The following CFTR variants were observed in gnomAD, a reference collection of about 807,000 sequenced individuals.
CFTR encodes the protein cystic fibrosis transmembrane conductance regulator.
In CFTR, 181 loss-of-function variants were observed where a neutral mutation model predicts 171.6. The ratio of observed to expected loss-of-function variants is 1.05; its 90% CI spans 0.93 to 1.19. CFTR has a LOEUF of 1.19. Among genes scored for constraint, CFTR ranks in the 50% most tolerant of loss-of-function variants. CFTR has a pLI of 0.00. For synonymous variants in CFTR, 583 were observed against 608.0 expected (o/e 0.96, Z 0.60); for missense variants, 1,968 against 1,734.7 (o/e 1.13, Z -2.39).
intron 3 of CFTR, among the ~76,000 whole-genome samples, chr7:117,525,385 A>G (rs1798758465): frequency 7.6e-6 from 1 of 131,064 alleles, no homozygotes; most frequent in Non-Finnish European, 1.6e-5. Flanking sequence ...AGTTCTGTAG[A>G]TGTCTATTAG....
At chr7:117,560,423 G>A (rs547359510) in intron 11 of CFTR, among the ~76,000 whole-genome samples, 5 of 152,048 alleles carry the variant, frequency 3.3e-5, no homozygotes, top group Non-Finnish European at 7.4e-5. Flanking sequence ...TCCAAATAGT[G>A]TTTGTGATTC....
intron 21 of CFTR, among the ~76,000 whole-genome samples, chr7:117,619,913 T>C (rs775372477): frequency 6.6e-6 from 1 of 151,292 alleles, no homozygotes; most frequent in Non-Finnish European, 1.5e-5. Flanking sequence ...TGTTTTGGGT[T>C]CCAGTAAAGA....
At chr7:117,559,895 G>A (rs1799432188) in intron 11 of CFTR, among the ~76,000 whole-genome samples, 1 of 151,968 alleles carries the variant, frequency 6.6e-6, no homozygotes, top group African/African-American at 2.4e-5. Context: ...CACAATAAAT[G>A]CATTTTATGA....
chr7:117,490,243 A>C lies in CFTR; in HGVS notation c.53+10096A>C, dbSNP rs373536993. 2.0e-5 allele frequency among the ~76,000 whole-genome samples: 3 copies of C among 151,602 alleles called. No homozygotes were observed. The East Asian group carries it at 5.8e-4, about 29-fold the overall frequency. On this transcript the variant is annotated intron_variant, in intron 1 of 26. Transcript: ENST00000003084. ...CTTTACATGGCACAGTATTATTATG[A>C]TATCAAAAATTCATTGAGTATTTAC...
intron 19 of CFTR, 45 bp downstream of exon 19, chr7:117,610,714 A>G (rs779049598): frequency 6.2e-7 from 1 of 1,603,926 alleles, no homozygotes; most frequent in Non-Finnish European, 8.5e-7. Context: ...AAAAGCTATA[A>G]GAGCTATTTG....
intron 24 of CFTR, among the ~76,000 whole-genome samples, chr7:117,662,017 C>T (rs546113245): frequency 7.2e-6 from 1 of 139,534 alleles, no homozygotes; most frequent in South Asian, 2.4e-4. Flanking sequence ...CCCTCAAATA[C>T]TGCTGATTGA....
intron 23 of CFTR, among the ~76,000 whole-genome samples, chr7:117,649,586 A>G (rs1793057816): frequency 6.6e-6 from 1 of 151,042 alleles, no homozygotes; most frequent in Non-Finnish European, 1.5e-5. Flanking sequence ...AGGAAGAAAA[A>G]CAACATGTGC....
In CFTR at chr7:117,535,033, A is replaced by T. The variant is rs549670828; in HGVS notation, c.580-215A>T. The stretch of plus-strand genomic sequence containing the variant: ...TATGCTTAAAAATGCACTGACTTGA[A>T]ATTTGTTTTTTGGGAAAACCGATTC... On this transcript the variant is annotated intron_variant, in intron 5 of 26. Coordinates refer to ENST00000003084, the MANE Select transcript of CFTR (RefSeq NM_000492.4). Among the ~76,000 whole-genome samples the T allele has an allele frequency of 2.6e-3, 401 of 152,294 alleles. 2 individuals are homozygous for T. Among genetic ancestry groups the T allele is most frequent in the African/African-American group, 9.1e-3 (380 of 41,552 alleles).
chr7:117,550,343 A>G (rs1562895686), intron 10 of CFTR, among the ~76,000 whole-genome samples: 2 of 150,560 alleles, frequency 1.3e-5, no homozygotes, highest in Non-Finnish European at 3.0e-5. Flanking sequence ...AAAAAAAAAA[A>G]TTGGTGTTTG....
rs551327299 is a variant in CFTR at position 117,639,168 on chromosome 7, A to T, written c.3718-3270A>T. Among the ~76,000 whole-genome samples the T allele has an allele frequency of 3.3e-4, 50 of 152,352 alleles. No homozygotes were observed. The South Asian group carries it at 3.9e-3, about 12-fold the overall frequency. On this transcript the variant is annotated intron_variant, in intron 22 of 26. Transcript: ENST00000003084. ...ACACTTTGTCCATAGCAATTACTTT[A>T]TGAAAAAGATGTGGTATTACTTTCT...
intron 22 of CFTR, among the ~76,000 whole-genome samples, chr7:117,639,850 A>T (rs998138494): frequency 1.3e-5 from 2 of 152,178 alleles, no homozygotes; most frequent in Non-Finnish European, 2.9e-5. Context: ...ATTCAATTAT[A>T]ATCACCTTGT....
chr7:117,636,271 C>T (rs1347756744), intron 22 of CFTR, among the ~76,000 whole-genome samples: 3 of 152,160 alleles, frequency 2.0e-5, no homozygotes, highest in Non-Finnish European at 4.4e-5. Flanking sequence ...GTTTTTTCCT[C>T]TGGCTTCTAT....
chr7:117,610,667 A>T lies in CFTR; in HGVS notation c.3137A>T (p.Glu1046Val). ...CAGCAACTCAAACAACTGGAATCTGAAGGTATGACAGTGAATGTGCGATAC... is the reference window on the plus strand; with the variant it reads ...CAGCAACTCAAACAACTGGAATCTGTAGGTATGACAGTGAATGTGCGATAC... The part of the protein sequence containing the change: ...TSQQLKQLES[E>V]GRSPIFTHLV... Residue 1046 changes from glutamate to valine, a missense_variant and splice_region_variant, in exon 19 of 27, where the codon GAA becomes GTA. Glu to Val is a moderately radical substitution (Grantham distance 121). Coordinates refer to ENST00000003084, the MANE Select transcript of CFTR (RefSeq NM_000492.4). 1.2e-6 allele frequency: 2 copies of T among 1,613,302 alleles called. No homozygotes were observed. Among genetic ancestry groups the T allele is most frequent in the Non-Finnish European group, 1.7e-6 (2 of 1,179,470 alleles).
chr7:117,506,900 T>C (rs1798427688), intron 2 of CFTR, among the ~76,000 whole-genome samples: 1 of 152,202 alleles, frequency 6.6e-6, no homozygotes, highest in Admixed American at 6.5e-5. Context: ...TGACATACCA[T>C]TTTTGGTACT....
At chr7:117,631,297 C>T (rs1792740395) in intron 22 of CFTR, among the ~76,000 whole-genome samples, 1 of 152,008 alleles carries the variant, frequency 6.6e-6, no homozygotes, top group Admixed American at 6.6e-5. Flanking sequence ...TTATATGTTT[C>T]CCCCCCTAGT....
chr7:117,651,891 T>C (rs930931671), intron 23 of CFTR, among the ~76,000 whole-genome samples: 1 of 152,140 alleles, frequency 6.6e-6, no homozygotes, highest in Non-Finnish European at 1.5e-5. Flanking sequence ...TTCAAGGCAA[T>C]TGGTAAAAAC....
At chr7:117,505,304 G>C (rs1291491950) in intron 2 of CFTR, among the ~76,000 whole-genome samples, 2 of 152,028 alleles carry the variant, frequency 1.3e-5, no homozygotes, top group Non-Finnish European at 2.9e-5. Flanking sequence ...CAATCAAAAG[G>C]TTAGGATCCT....
At chr7:117,543,487 GC>G (rs1206448382) in intron 9 of CFTR, among the ~76,000 whole-genome samples, 1 of 152,100 alleles carries the variant, frequency 6.6e-6, no homozygotes, top group East Asian at 1.9e-4. Context: ...GCATGCTTGA[GC>G]CCTTACTATG....
chr7:117,632,934 A>C (rs1342267482), intron 22 of CFTR, among the ~76,000 whole-genome samples: 2 of 152,172 alleles, frequency 1.3e-5, no homozygotes, highest in Non-Finnish European at 2.9e-5. Flanking sequence ...AAACCCATGA[A>C]ACTTGAGTAG....
Sources: allele counts gnomAD v4.1 joint callset (sites outside exome capture counted in the v4.1 genomes callset), GRCh38; gene constraint gnomAD v4.1.1; transcripts MANE v1.5; gene names NCBI Gene and HGNC (gene_info 2026-07-23, HGNC 2026-07-21).